Variants in ARHGAP6 observed in about 807,000 individuals in gnomAD.
ARHGAP6 encodes Rho GTPase activating protein 6.
ARHGAP6 carries 16 observed loss-of-function variants against 55.7 expected under a neutral mutation model. The observed-to-expected ratio is 0.29, with a 90% CI of 0.19 to 0.44. The LOEUF (loss-of-function observed/expected upper bound fraction) is 0.44, where lower values mean the gene tolerates loss of function less well. Ranked by LOEUF, ARHGAP6 falls within the 20% of genes least tolerant of loss-of-function variation. The pLI is 1.00. For missense variants in ARHGAP6, 698 were observed against 808.9 expected, an observed-to-expected ratio of 0.86 and a Z score of 1.66; for synonymous variants, 382 against 360.9, an observed-to-expected ratio of 1.06 and a Z score of -0.66.
At chrX:11,235,202 A>G (rs2047182573) in intron 2 of ARHGAP6, among the ~76,000 whole-genome samples, 2 of 113,100 alleles carry the variant, frequency 1.8e-5, no homozygotes, top group South Asian at 3.6e-4. Flanking sequence ...CCAAACTGCA[A>G]TTCTTGACTT....
intron 1 of ARHGAP6, among the ~76,000 whole-genome samples, chrX:11,354,291 C>CTT (rs1428481340): frequency 4.4e-4 from 31 of 70,822 alleles, no homozygotes; most frequent in South Asian, 1.1e-3. Context: ...CTCTCTCTCT[C>CTT]TCTTTCTCTC....
chrX:11,182,247 G>A, intron 5 of ARHGAP6, 129 bp from the exon 6 acceptor site: 1 of 423,964 alleles, frequency 2.4e-6, no homozygotes, highest in African/African-American at 2.5e-5. Flanking sequence ...ACAGCATACA[G>A]TAATGCTTCT....
intron 1 of ARHGAP6, among the ~76,000 whole-genome samples, chrX:11,527,864 G>T (rs1028407567): frequency 8.9e-6 from 1 of 112,202 alleles, no homozygotes; most frequent in Admixed American, 9.5e-5. Context: ...ACCTTATTTT[G>T]CATTATGGTC....
chrX:11,500,771 G>C (rs896229964), intron 1 of ARHGAP6, among the ~76,000 whole-genome samples: 12 of 110,199 alleles, frequency 1.1e-4, no homozygotes, highest in Admixed American at 2.0e-4. Context: ...AAGTCTTTTG[G>C]GGGGGAAGGT....
intron 1 of ARHGAP6, among the ~76,000 whole-genome samples, chrX:11,286,006 T>C (rs2047917341): frequency 9.0e-6 from 1 of 111,571 alleles, no homozygotes; most frequent in Non-Finnish European, 1.9e-5. Flanking sequence ...TGCAGAGTAA[T>C]GTTAAAGCTG....
chrX:11,608,879 T>C lies in ARHGAP6; in HGVS notation c.588+55362A>G, dbSNP rs138784738. ...GGAAATGTAAGTCTAATTAAACCTATTTTTCTTCCCAGTCTTGGGTATGTC... is the reference window on the plus strand; with the variant it reads ...GGAAATGTAAGTCTAATTAAACCTACTTTTCTTCCCAGTCTTGGGTATGTC... On this transcript the variant is annotated intron_variant, in intron 1 of 12. Transcript: ENST00000337414. Among the ~76,000 whole-genome samples the C allele has an allele frequency of 1.6e-3, 179 of 111,618 alleles. 4 individuals are homozygous for C. The East Asian group carries it at 0.037, about 23-fold the overall frequency.
intron 1 of ARHGAP6, chrX:11,298,625 C>A (rs778441921): frequency 1.5e-5 from 18 of 1,208,361 alleles, no homozygotes; most frequent in Non-Finnish European, 1.9e-5. Flanking sequence ...AACAGCACCC[C>A]CCGACTCACA....
chrX:11,454,188 C>T (rs1251552897), intron 1 of ARHGAP6, among the ~76,000 whole-genome samples: 2 of 103,681 alleles, frequency 1.9e-5, no homozygotes, highest in Non-Finnish European at 3.9e-5. Flanking sequence ...TCTCGATCTC[C>T]TGACCTCATG....
At chrX:11,583,655 A>G (rs956576191) in intron 1 of ARHGAP6, among the ~76,000 whole-genome samples, 1 of 112,271 alleles carries the variant, frequency 8.9e-6, no homozygotes, top group Non-Finnish European at 1.9e-5. Context: ...CTAAGCAAAT[A>G]GAAAACTCCA....
chrX:11,509,607 A>C (rs182524187), intron 1 of ARHGAP6, among the ~76,000 whole-genome samples: 28 of 112,308 alleles, frequency 2.5e-4, no homozygotes, highest in African/African-American at 8.7e-4. Flanking sequence ...TCTGTTCACT[A>C]TTACTTTTTA....
At chrX:11,226,368 C>T (rs1294663399) in intron 2 of ARHGAP6, among the ~76,000 whole-genome samples, 3 of 111,369 alleles carry the variant, frequency 2.7e-5, no homozygotes, top group Non-Finnish European at 5.7e-5. Context: ...ATATATGCCA[C>T]ATTTTCTTAA....
At chrX:11,452,032 T>C (rs921965837) in intron 1 of ARHGAP6, among the ~76,000 whole-genome samples, 1 of 112,746 alleles carries the variant, frequency 8.9e-6, no homozygotes, top group African/African-American at 3.2e-5. Context: ...AAATCCTAAA[T>C]ATTCCATCAA....
chrX:11,323,884 A>AG (rs887208088), intron 1 of ARHGAP6, among the ~76,000 whole-genome samples: 6 of 108,471 alleles, frequency 5.5e-5, no homozygotes, highest in Admixed American at 5.0e-4. Context: ...AAAAAAAAAA[A>AG]AAAGAAAAAA....
intron 1 of ARHGAP6, chrX:11,335,327 T>C (rs929216701): frequency 5.0e-5 from 6 of 119,664 alleles, no homozygotes; most frequent in Admixed American, 1.9e-4. Flanking sequence ...ACCCATCAAC[T>C]CGTCACCTAC....
At chrX:11,480,281 G>A (rs2147836885) in intron 1 of ARHGAP6, among the ~76,000 whole-genome samples, 1 of 111,923 alleles carries the variant, frequency 8.9e-6, no homozygotes, top group African/African-American at 3.2e-5. Context: ...ATAGATATAT[G>A]ATACGACATG....
In ARHGAP6 at chrX:11,507,478, T is replaced by C. The variant is rs192241120; in HGVS notation, c.588+156763A>G. ...CTGTTTCTGCGGCATAAAGTGTACA[T>C]TTGTATCTTCTTAAAAAAACAGCAT... On this transcript the variant is annotated intron_variant, in intron 1 of 12. Transcript: ENST00000337414. Among the ~76,000 whole-genome samples, 421 of 112,011 alleles carry C rather than the reference T, an allele frequency of 3.8e-3. 1 individual carries two copies. The highest frequency in any genetic ancestry group is 0.014 in the Middle Eastern group (3 of 218).
intron 1 of ARHGAP6, among the ~76,000 whole-genome samples, chrX:11,314,196 G>A (rs1277038467): frequency 8.9e-6 from 1 of 111,902 alleles, no homozygotes; most frequent in African/African-American, 3.2e-5. Context: ...AGATATATAG[G>A]TGAGTATTTA....
intron 1 of ARHGAP6, among the ~76,000 whole-genome samples, chrX:11,523,571 T>C (rs896051528): frequency 8.9e-6 from 1 of 111,896 alleles, no homozygotes; most frequent in Non-Finnish European, 1.9e-5. Context: ...GAATCAATTT[T>C]CTTTAACAGT....
intron 1 of ARHGAP6, among the ~76,000 whole-genome samples, chrX:11,354,864 T>C (rs1198708228): frequency 1.8e-5 from 2 of 111,696 alleles, no homozygotes; most frequent in South Asian, 7.5e-4. Flanking sequence ...GCAGTGATTA[T>C]CAAATTTTTA....
Sources: allele counts gnomAD v4.1 joint callset (sites outside exome capture counted in the v4.1 genomes callset), GRCh38; gene constraint gnomAD v4.1.1; transcripts MANE v1.5; gene names NCBI Gene and HGNC (gene_info 2026-07-23, HGNC 2026-07-21).